Variants in CDH2 observed in about 807,000 individuals in gnomAD.
CDH2 encodes the protein cadherin-2.
CDH2 carries 17 observed loss-of-function variants against 92.0 expected under a neutral mutation model. The ratio of observed to expected loss-of-function variants is 0.18; its 90% CI spans 0.13 to 0.28. The LOEUF is 0.28. Among genes scored for constraint, CDH2 ranks in the 10% least tolerant of loss-of-function variants. CDH2 has a pLI of 1.00. For missense variants in CDH2, 862 were observed against 1,133.1 expected, an observed-to-expected ratio of 0.76 and a Z score of 3.44; for synonymous variants, 419 against 415.9, an observed-to-expected ratio of 1.01 and a Z score of -0.09.
rs542600373 is a variant in CDH2, at chr18:28,052,380, G to A, written c.173-38471C>T. ...AGTTTATATTTAAGCCGTAGTAACA[G>A]CAAATGAAAAAATAAATTTTAACTT... On this transcript the variant is annotated intron_variant, in intron 2 of 15. Transcript: ENST00000269141. 2.6e-5 allele frequency among the ~76,000 whole-genome samples: 4 copies of A among 152,188 alleles called. No homozygotes were observed. In the East Asian group the frequency reaches 7.7e-4, roughly 29 times the overall value.
At chr18:28,001,511 A>G (rs1174261715) in intron 7 of CDH2, among the ~76,000 whole-genome samples, 2 of 152,210 alleles carry the variant, frequency 1.3e-5, no homozygotes, top group Non-Finnish European at 2.9e-5. Context: ...ATATTCTCTA[A>G]TAAATTATGG....
At chr18:28,097,405 G>A (rs972758941) in intron 2 of CDH2, among the ~76,000 whole-genome samples, 2 of 151,100 alleles carry the variant, frequency 1.3e-5, no homozygotes, top group East Asian at 1.9e-4. Flanking sequence ...ACTCACAGCC[G>A]GGTGCAGTGG....
intron 14 of CDH2, among the ~76,000 whole-genome samples, chr18:27,968,000 A>G (rs2011571208): frequency 6.6e-6 from 1 of 152,208 alleles, no homozygotes; most frequent in South Asian, 2.1e-4. Context: ...AACCCATTTC[A>G]GGGAGTAATG....
intron 2 of CDH2, among the ~76,000 whole-genome samples, chr18:28,055,913 GCTTTA>G (rs1218110318): frequency 6.6e-6 from 1 of 152,090 alleles, no homozygotes; most frequent in East Asian, 1.9e-4. Flanking sequence ...GTTCAAAACT[GCTTTA>G]CTTTACTTCC....
chr18:28,064,145 T>A (rs1165571852), intron 2 of CDH2, among the ~76,000 whole-genome samples: 2 of 140,322 alleles, frequency 1.4e-5, no homozygotes, highest in African/African-American at 2.6e-5. Flanking sequence ...GAGGGGGGGG[T>A]AGGTGGGGAT....
intron 1 of CDH2, among the ~76,000 whole-genome samples, chr18:28,166,529 C>CA (rs1490428126): frequency 1.3e-5 from 2 of 151,690 alleles, no homozygotes; most frequent in African/African-American, 2.4e-5. Context: ...ATCTGTCAAA[C>CA]AAAAAAAGAT....
chr18:28,054,045 G>C (rs1425379874), intron 2 of CDH2, among the ~76,000 whole-genome samples: 1 of 152,148 alleles, frequency 6.6e-6, no homozygotes, highest in African/African-American at 2.4e-5. Context: ...TCTGTGCTGT[G>C]AGAGAGCACA....
downstream of CDH2, among the ~76,000 whole-genome samples, chr18:27,948,941 C>G (rs776981237): frequency 6.6e-6 from 1 of 151,996 alleles, no homozygotes; most frequent in African/African-American, 2.4e-5. Context: ...ACTCTGTATG[C>G]ATGTTTTTTT....
At chr18:28,150,892 A>ATATTCTCCC (rs1168738766) in intron 1 of CDH2, among the ~76,000 whole-genome samples, 1 of 152,238 alleles carries the variant, frequency 6.6e-6, no homozygotes, top group East Asian at 1.9e-4. Context: ...GTTAAAATAT[A>ATATTCTCCC]TATTCTCCCT....
chr18:28,161,160 T>A (rs1439376521), intron 1 of CDH2, among the ~76,000 whole-genome samples: 1 of 152,200 alleles, frequency 6.6e-6, no homozygotes, highest in Non-Finnish European at 1.5e-5. Context: ...CTCTACTGTG[T>A]TCTTTGGAAC....
intron 1 of CDH2, among the ~76,000 whole-genome samples, chr18:28,169,940 A>T (rs956702760): frequency 2.0e-5 from 3 of 152,240 alleles, no homozygotes; most frequent in Non-Finnish European, 4.4e-5. Context: ...AGTAAGGTCC[A>T]CTTTCAATTA....
chr18:28,007,163 AAAAT>A (rs1016087954), intron 5 of CDH2, among the ~76,000 whole-genome samples: 2 of 115,942 alleles, frequency 1.7e-5, no homozygotes, highest in African/African-American at 8.2e-5. Flanking sequence ...CCATAAAAAA[AAAAT>A]ATATATATAT....
intron 1 of CDH2, among the ~76,000 whole-genome samples, chr18:28,176,281 C>CGAGGAAGCTCTCCCTA (rs1388551090): frequency 6.6e-6 from 1 of 152,126 alleles, no homozygotes; most frequent in Non-Finnish European, 1.5e-5. Context: ...AGATACTAGG[C>CGAGGAAGCTCTCCCTA]GTGAGAGGCC....
At chr18:28,168,471 C>T (rs962303476) in intron 1 of CDH2, 1 of 152,490 alleles carries the variant, frequency 6.6e-6, no homozygotes, top group African/African-American at 2.5e-5. Context: ...CTTGCATTTA[C>T]TTTCACCCTG....
intron 14 of CDH2, among the ~76,000 whole-genome samples, chr18:27,964,619 G>T (rs538447826): frequency 6.6e-6 from 1 of 152,114 alleles, no homozygotes; most frequent in Non-Finnish European, 1.5e-5. Flanking sequence ...TGATTTATTC[G>T]ACAGTTGTTT....
chr18:28,133,439 C>T (rs1024484552), intron 2 of CDH2, among the ~76,000 whole-genome samples: 6 of 151,558 alleles, frequency 4.0e-5, no homozygotes, highest in African/African-American at 7.3e-5. Context: ...AAAAATTAGC[C>T]GGGTGTGGTG....
chr18:28,056,044 T>G (rs2144136075), intron 2 of CDH2, among the ~76,000 whole-genome samples: 1 of 152,116 alleles, frequency 6.6e-6, no homozygotes, highest in Non-Finnish European at 1.5e-5. Context: ...GTAAACACGT[T>G]TTTGGTAAGT....
intron 1 of CDH2, among the ~76,000 whole-genome samples, chr18:28,154,007 G>A (rs1364296058): frequency 1.3e-5 from 2 of 152,150 alleles, no homozygotes; most frequent in East Asian, 3.9e-4. Context: ...GGATAAATCT[G>A]TGTATTTAAC....
chr18:27,960,049 A>ACACACAC (rs773010323), intron 15 of CDH2, among the ~76,000 whole-genome samples: 1 of 63,232 alleles, frequency 1.6e-5, no homozygotes, highest in East Asian at 3.9e-4. Flanking sequence ...CACACACACA[A>ACACACAC]ACACACACTC....
Sources: allele counts gnomAD v4.1 joint callset (sites outside exome capture counted in the v4.1 genomes callset), GRCh38; gene constraint gnomAD v4.1.1; transcripts MANE v1.5; gene names NCBI Gene and HGNC (gene_info 2026-07-23, HGNC 2026-07-21).